The following MBNL2 variants were observed in gnomAD, a reference collection of about 807,000 sequenced individuals.
MBNL2 encodes the protein muscleblind like splicing regulator 2, also known as muscleblind-like protein 2.
A neutral mutation model predicts 41.9 loss-of-function variants in MBNL2; 17 were observed. The observed-to-expected ratio is 0.41, with a 90% CI of 0.28 to 0.61. The LOEUF is 0.61. Ranked by LOEUF, MBNL2 falls within the 20% of genes least tolerant of loss-of-function variation. MBNL2 has a pLI of 0.35. For missense variants in MBNL2, 336 were observed against 505.6 expected (o/e 0.66, Z 3.22); for synonymous variants, 195 against 182.9 (o/e 1.07, Z -0.53).
chr13:97,194,649 G>T, the MBNL2 span, among the ~76,000 whole-genome samples: 1 of 152,202 alleles, frequency 6.6e-6, no homozygotes, highest in Non-Finnish European at 1.5e-5. Context: ...CAAGATACAG[G>T]ACATAAAGAC....
At chr13:97,208,153 C>A in the MBNL2 span, among the ~76,000 whole-genome samples, 2 of 152,186 alleles carry the variant, frequency 1.3e-5, no homozygotes, top group Non-Finnish European at 2.9e-5. Context: ...TTGTTTCTTG[C>A]AGGACTTCTC....
At chr13:97,368,820 G>A (rs1050194781) in intron 8 of MBNL2, among the ~76,000 whole-genome samples, 11 of 152,070 alleles carry the variant, frequency 7.2e-5, no homozygotes, top group African/African-American at 2.7e-4. Context: ...AAGGGTGCGA[G>A]TGGAAAAGGA....
the MBNL2 span, among the ~76,000 whole-genome samples, chr13:97,188,891 A>G: frequency 6.6e-6 from 1 of 152,062 alleles, no homozygotes; most frequent in South Asian, 2.1e-4. Flanking sequence ...AATTCCTGAA[A>G]GATCCATGCC....
chr13:97,196,634 A>T, the MBNL2 span, among the ~76,000 whole-genome samples: 1 of 152,150 alleles, frequency 6.6e-6, no homozygotes. Flanking sequence ...GCTTCTAGAA[A>T]CGATGCTCAA....
chr13:97,255,542 A>G (rs1472491051), intron 1 of MBNL2, among the ~76,000 whole-genome samples: 1 of 152,194 alleles, frequency 6.6e-6, no homozygotes, highest in East Asian at 1.9e-4. Flanking sequence ...CCCAGCTAGC[A>G]TGTGACTGTG....
the MBNL2 span, among the ~76,000 whole-genome samples, chr13:97,210,959 T>C: frequency 2.6e-5 from 4 of 151,606 alleles, no homozygotes; most frequent in East Asian, 1.9e-4. Flanking sequence ...TTTTTGTGTA[T>C]GGAGAAGAGG....
chr13:97,353,818 A>T (rs1451970114), intron 5 of MBNL2, among the ~76,000 whole-genome samples: 1 of 152,150 alleles, frequency 6.6e-6, no homozygotes, highest in Non-Finnish European at 1.5e-5. Flanking sequence ...AGGAAACAAG[A>T]CAAGCTGCCG....
intron 5 of MBNL2, among the ~76,000 whole-genome samples, chr13:97,351,878 G>A (rs1242451566): frequency 6.6e-6 from 1 of 151,980 alleles, no homozygotes; most frequent in African/African-American, 2.4e-5. Flanking sequence ...ACAAAAATTA[G>A]CTGGGCATGG....
the MBNL2 span, among the ~76,000 whole-genome samples, chr13:97,158,465 G>C: frequency 2.1e-4 from 32 of 152,034 alleles, no homozygotes; most frequent in South Asian, 6.2e-4. Flanking sequence ...TCTTGCTTTT[G>C]TAGTTCTTTT....
intron 2 of MBNL2, among the ~76,000 whole-genome samples, chr13:97,287,716 CTTTTCTTTTTT>C (rs1348417002): frequency 2.4e-4 from 32 of 133,954 alleles, no homozygotes; most frequent in African/African-American, 9.4e-4. Flanking sequence ...CTTTTCTTTT[CTTTTCTTTTTT>C]TTTTTTTTTT....
Position 97,391,485 on chromosome 13 carries a change from TAAG to T in MBNL2, c.*40_*42del. ...AGTTCTTCTGGACAGACCACAACTC[TAAG>T]AAGCTAGTGCTGCTATCTCATATAT... On this transcript the variant is annotated 3_prime_UTR_variant, in exon 9 of 9. Transcript: ENST00000679496. The T allele has an allele frequency of 1.1e-6, 1 of 879,980 alleles. No homozygotes were observed. Among genetic ancestry groups the T allele is most frequent in the African/African-American group, 1.6e-5 (1 of 60,758 alleles). 54.5% of individuals were successfully genotyped at this position (879,980 alleles called of 1,614,324 possible).
chr13:97,177,534 G>C, the MBNL2 span, among the ~76,000 whole-genome samples: 1 of 151,958 alleles, frequency 6.6e-6, no homozygotes, highest in Non-Finnish European at 1.5e-5. Flanking sequence ...AAAAAGAAAA[G>C]GCAAATGGAA....
chr13:97,291,099 A>G (rs2055854140), intron 2 of MBNL2, among the ~76,000 whole-genome samples: 1 of 151,976 alleles, frequency 6.6e-6, no homozygotes, highest in Non-Finnish European at 1.5e-5. Context: ...TGGAGGAGGG[A>G]TGGTAGGAGG....
At chr13:97,342,909 A>AAAT in intron 3 of MBNL2, 107 bp from the exon 4 acceptor site, 1 of 671,672 alleles carries the variant, frequency 1.5e-6, no homozygotes, top group Middle Eastern at 2.9e-4. Context: ...CTATACAATT[A>AAAT]ACACAGAGTA....
At chr13:97,176,077 C>A in the MBNL2 span, among the ~76,000 whole-genome samples, 1 of 152,306 alleles carries the variant, frequency 6.6e-6, no homozygotes, top group South Asian at 2.1e-4. Flanking sequence ...GAAGCTTCTC[C>A]TCTAAAAGTA....
intron 2 of MBNL2, among the ~76,000 whole-genome samples, chr13:97,299,572 T>C (rs1594177709): frequency 6.6e-6 from 1 of 152,310 alleles, no homozygotes; most frequent in Middle Eastern, 3.4e-3. Context: ...GTCAGTATCA[T>C]TAACACTTGG....
At chr13:97,283,651 C>T (rs1178902889) in intron 2 of MBNL2, among the ~76,000 whole-genome samples, 1 of 152,094 alleles carries the variant, frequency 6.6e-6, no homozygotes, top group Admixed American at 6.6e-5. Flanking sequence ...TAAAAATTAT[C>T]TATACATTGC....
At chr13:97,163,204 A>G in the MBNL2 span, among the ~76,000 whole-genome samples, 4 of 151,992 alleles carry the variant, frequency 2.6e-5, 1 homozygote, top group African/African-American at 9.7e-5. Flanking sequence ...ATCTGACTCC[A>G]CTCTTCCTTT....
At chr13:97,251,061 G>T (rs1044815802) in intron 1 of MBNL2, among the ~76,000 whole-genome samples, 2 of 151,788 alleles carry the variant, frequency 1.3e-5, no homozygotes, top group African/African-American at 4.8e-5. Flanking sequence ...ATTTGGTGCA[G>T]CTACTGGGCA....
Sources: allele counts gnomAD v4.1 joint callset (sites outside exome capture counted in the v4.1 genomes callset), GRCh38; gene constraint gnomAD v4.1.1; transcripts MANE v1.5; gene names NCBI Gene and HGNC (gene_info 2026-07-23, HGNC 2026-07-21).